Variants in BCL7C observed in about 807,000 individuals in gnomAD.
BCL7C encodes BAF chromatin remodeling complex subunit BCL7C.
Under a neutral mutation model 26.2 loss-of-function variants are expected in BCL7C, and 8 were observed. The observed-to-expected ratio is 0.30, with a 90% CI of 0.18 to 0.55. The LOEUF is 0.55. Ranked by LOEUF, BCL7C falls within the 20% of genes least tolerant of loss-of-function variation. The pLI is 0.93. For missense variants in BCL7C, 262 were observed against 298.5 expected, an observed-to-expected ratio of 0.88 and a Z score of 0.90; for synonymous variants, 90 against 116.5, an observed-to-expected ratio of 0.77 and a Z score of 1.47.
intron 5 of BCL7C, among the ~76,000 whole-genome samples, chr16:30,854,957 C>T (rs1294433949): frequency 6.6e-6 from 1 of 152,162 alleles, no homozygotes; most frequent in Non-Finnish European, 1.5e-5. Flanking sequence ...CTTGGCCTTC[C>T]AAAGTGCTGG....
At chr16:30,840,673 A>G (rs1177563798) in intron 5 of BCL7C, 1 of 152,282 alleles carries the variant, frequency 6.6e-6, no homozygotes, top group Non-Finnish European at 1.5e-5. Flanking sequence ...TAATTTAGAA[A>G]GGAAAGAGGT....
At chr16:30,888,484 G>A (rs1292708629) in intron 5 of BCL7C, among the ~76,000 whole-genome samples, 1 of 151,924 alleles carries the variant, frequency 6.6e-6, no homozygotes, top group East Asian at 1.9e-4. Flanking sequence ...CTACAGGCAC[G>A]TGCCACCACG....
exon 6 of BCL7C, chr16:30,835,129 G>T: frequency 6.6e-7 from 1 of 1,521,942 alleles, no homozygotes; most frequent in Non-Finnish European, 8.9e-7. Context: ...GGCTCTCCTC[G>T]TCATTCTCAC....
chr16:30,856,839 A>G (rs2054726675), intron 5 of BCL7C, among the ~76,000 whole-genome samples: 1 of 152,176 alleles, frequency 6.6e-6, no homozygotes, highest in Admixed American at 6.6e-5. Flanking sequence ...TTTTCTCTGT[A>G]TGTTCACAGC....
At chr16:30,885,155 AAG>A (rs2055112572), downstream of BCL7C, among the ~76,000 whole-genome samples, 1 of 152,180 alleles carries the variant, frequency 6.6e-6, no homozygotes, top group Non-Finnish European at 1.5e-5. Context: ...GTGAGATAGG[AAG>A]AGTGTCCTAG....
intron 5 of BCL7C, among the ~76,000 whole-genome samples, chr16:30,860,887 A>G (rs568174627): frequency 6.6e-6 from 1 of 151,512 alleles, no homozygotes; most frequent in Non-Finnish European, 1.5e-5. Context: ...CCAAGTCCCA[A>G]TTCTCCCTCA....
Position 30,888,933 on chromosome 16 carries a change from A to G in BCL7C, c.455T>C (p.Ile152Thr). 1 of 1,613,964 alleles carries G rather than the reference A, an allele frequency of 6.2e-7. No individual in the cohort carries two copies. The highest frequency in any genetic ancestry group is 8.5e-7 in the Non-Finnish European group (1 of 1,179,926). Residue 152 changes from isoleucine (I) to threonine (T), a missense_variant, in exon 5 of 6, where the codon ATA becomes ACA. Ile to Thr is a moderately conservative substitution (Grantham distance 89). Transcript: ENST00000215115. ...GGGTTCGTCGGTGCTGCCAGCAGTT[A>G]TGCCCCCGGGATCTGGAACGTCAAG... ...RLGQERDPGG[I>T]TAGSTDEPPM... is the part of the protein sequence containing the mutation.
chr16:30,886,135 T>C (rs11150599), downstream of BCL7C, among the ~76,000 whole-genome samples: 73,303 of 152,110 alleles, frequency 0.48, 21,922 homozygotes, highest in East Asian at 0.91. Flanking sequence ...CCACCACACC[T>C]AGCCTACAGT....
chr16:30,851,529 C>T (rs2054674568), intron 5 of BCL7C: 2 of 272,776 alleles, frequency 7.3e-6, no homozygotes, highest in Non-Finnish European at 1.4e-5. Flanking sequence ...CGTGAGCCAC[C>T]GCACCCGGCC....
intron 5 of BCL7C, among the ~76,000 whole-genome samples, chr16:30,846,554 A>G (rs888814184): frequency 6.6e-6 from 1 of 152,070 alleles, no homozygotes; most frequent in Non-Finnish European, 1.5e-5. Flanking sequence ...TTTTGTAGAG[A>G]TGAGGTCTTA....
At chr16:30,884,853 C>G (rs575802991), downstream of BCL7C, among the ~76,000 whole-genome samples, 32 of 152,266 alleles carry the variant, frequency 2.1e-4, 1 homozygote, top group South Asian at 6.4e-3. Flanking sequence ...CAGTCACTTG[C>G]TCAAGGTGAT....
chr16:30,863,423 G>A (rs2054795122), intron 5 of BCL7C, among the ~76,000 whole-genome samples: 1 of 152,166 alleles, frequency 6.6e-6, no homozygotes, highest in South Asian at 2.1e-4. Flanking sequence ...TGGGCTGAAA[G>A]AGGTTTCCTC....
intron 5 of BCL7C, among the ~76,000 whole-genome samples, chr16:30,845,397 C>G (rs953544280): frequency 1.3e-5 from 2 of 152,230 alleles, no homozygotes; most frequent in African/African-American, 4.8e-5. Context: ...CTTGACTCCT[C>G]TAATAGCCTG....
intron 5 of BCL7C, among the ~76,000 whole-genome samples, chr16:30,850,095 A>G (rs531286017): frequency 3.3e-4 from 50 of 151,982 alleles, no homozygotes; most frequent in Non-Finnish European, 5.7e-4. Flanking sequence ...CTGTAGTCCC[A>G]GCTACTCAGG....
chr16:30,839,340 G>A (rs908980140), intron 5 of BCL7C, among the ~76,000 whole-genome samples: 2 of 152,200 alleles, frequency 1.3e-5, no homozygotes, highest in Non-Finnish European at 2.9e-5. Context: ...GGGGCAAAGA[G>A]TGGGATTCCC....
chr16:30,837,565 C>G (rs367825262), intron 5 of BCL7C, among the ~76,000 whole-genome samples: 1 of 152,096 alleles, frequency 6.6e-6, no homozygotes, highest in East Asian at 1.9e-4. Context: ...CCAGGCTGGT[C>G]TCAAACTCCT....
Position 30,892,905 on chromosome 16 carries a change from C to A in BCL7C, c.215G>T (p.Arg72Leu). 6.2e-7 allele frequency: 1 copy of A among 1,613,028 alleles called. No homozygotes were observed. Among genetic ancestry groups the A allele is most frequent in the Non-Finnish European group, 8.5e-7 (1 of 1,179,964 alleles). Residue 72 changes from arginine (R) to leucine (L), a missense_variant, in exon 3 of 6, where the codon CGG becomes CTG. Coordinates refer to ENST00000215115, the MANE Select transcript of BCL7C (RefSeq NM_004765.4). ...ACTGGCGCCCCTGCCCCGACGTTCC[C>A]GGCCACGGGATCTCTCTGCCCCGCC... The part of the protein sequence containing the change: ...AGGGAERSRG[R>L]ERRGRGASPR...
chr16:30,879,689 C>CAAAAAAAAAAAAAAAAAAAA (rs1187827463), intron 5 of BCL7C, among the ~76,000 whole-genome samples: 1,196 of 29,362 alleles, frequency 0.041, 454 homozygotes, highest in South Asian at 0.068. Context: ...CCCTTCTCTA[C>CAAAAAAAAAAAAAAAAAAAA]AAAAAAAAAA....
chr16:30,872,648 C>T (rs2143025538), intron 5 of BCL7C, among the ~76,000 whole-genome samples: 1 of 152,260 alleles, frequency 6.6e-6, no homozygotes, highest in East Asian at 1.9e-4. Flanking sequence ...ACTCAGGCAG[C>T]CTGGTGCCCG....
Sources: allele counts gnomAD v4.1 joint callset (sites outside exome capture counted in the v4.1 genomes callset), GRCh38; gene constraint gnomAD v4.1.1; transcripts MANE v1.5; gene names NCBI Gene and HGNC (gene_info 2026-07-23, HGNC 2026-07-21).